Variants in FAM81A observed in about 807,000 individuals in gnomAD.
FAM81A encodes protein FAM81A.
FAM81A carries 19 observed loss-of-function variants against 46.7 expected under a neutral mutation model. That is an observed-to-expected ratio of 0.41 (90% CI 0.28 to 0.60). FAM81A has a LOEUF of 0.60. Ranked by LOEUF, FAM81A falls within the 20% of genes least tolerant of loss-of-function variation. FAM81A has a pLI of 0.34. For synonymous variants in FAM81A, 183 were observed against 152.9 expected (o/e 1.20, Z -1.45); for missense variants, 377 against 453.5 (o/e 0.83, Z 1.53).
At chr15:59,441,281 CTCT>C (rs1277616740) in intron 1 of FAM81A, among the ~76,000 whole-genome samples, 1 of 152,320 alleles carries the variant, frequency 6.6e-6, no homozygotes. Flanking sequence ...CCATAAGAAA[CTCT>C]GGTGGGGTCC....
intron 2 of FAM81A, among the ~76,000 whole-genome samples, chr15:59,405,653 T>A (rs1007226764): frequency 2.7e-5 from 4 of 150,906 alleles, no homozygotes; most frequent in African/African-American, 7.3e-5. Context: ...AAAAAAAGAA[T>A]AATGATAATA....
At chr15:59,465,194 C>T (rs1430059896) in intron 3 of FAM81A, among the ~76,000 whole-genome samples, 1 of 152,138 alleles carries the variant, frequency 6.6e-6, no homozygotes, top group Non-Finnish European at 1.5e-5. Context: ...ATGCCAGTAC[C>T]ATGCTGTTTT....
chr15:59,449,699 G>C (rs568393379), intron 1 of FAM81A, among the ~76,000 whole-genome samples: 1 of 150,212 alleles, frequency 6.7e-6, no homozygotes, highest in Non-Finnish European at 1.5e-5. Context: ...GGAGAATGGC[G>C]TGAACCCGGG....
chr15:59,406,440 C>T (rs2140467374), intron 2 of FAM81A, among the ~76,000 whole-genome samples: 1 of 152,260 alleles, frequency 6.6e-6, no homozygotes, highest in Non-Finnish European at 1.5e-5. Context: ...CTAACCAGTG[C>T]TATTTGGCAT....
chr15:59,402,720 TG>T (rs1454219406), intron 2 of FAM81A, among the ~76,000 whole-genome samples: 7 of 30,962 alleles, frequency 2.3e-4, no homozygotes, highest in Non-Finnish European at 4.3e-4. Context: ...TTTTGGGGGG[TG>T]GGGGGGATAT....
intron 2 of FAM81A, among the ~76,000 whole-genome samples, chr15:59,420,286 T>C (rs560574519): frequency 6.6e-6 from 1 of 152,354 alleles, no homozygotes; most frequent in South Asian, 2.1e-4. Flanking sequence ...GACTTGACTT[T>C]AGTCACTGTG....
rs189351600 is a variant in FAM81A, at chr15:59,482,836, G to A, written c.295-9435G>A. ...AGAGAGTGCACCGGAGCTTGCCAGC[G>A]CCTTCTCATCAGTGGGAGAGTGCCA... is the stretch of plus-strand genomic sequence containing the variant. On this transcript the variant is annotated intron_variant, in intron 3 of 8. Transcript: ENST00000288228. Among the ~76,000 whole-genome samples the A allele has an allele frequency of 1.6e-3, 241 of 152,274 alleles. 1 individual carries two copies. The highest frequency in any genetic ancestry group is 5.5e-3 in the African/African-American group (229 of 41,558).
At chr15:59,421,472 C>T (rs1446403288) in intron 2 of FAM81A, among the ~76,000 whole-genome samples, 5 of 152,154 alleles carry the variant, frequency 3.3e-5, no homozygotes, top group Non-Finnish European at 7.3e-5. Context: ...CTCCCTGGTG[C>T]TGCTTAAGAC....
chr15:59,468,109 G>C (rs1342579389), intron 3 of FAM81A, among the ~76,000 whole-genome samples: 1 of 152,142 alleles, frequency 6.6e-6, no homozygotes, highest in Non-Finnish European at 1.5e-5. Context: ...GATTCGGTTT[G>C]CCAGTATTTT....
upstream of FAM81A, among the ~76,000 whole-genome samples, chr15:59,435,575 G>A (rs1164483322): frequency 1.3e-5 from 2 of 152,204 alleles, no homozygotes; most frequent in Admixed American, 6.5e-5. Flanking sequence ...AGCCAAGATC[G>A]AGAGCCTCTG....
chr15:59,494,549 C>T (rs1429096881), intron 4 of FAM81A, among the ~76,000 whole-genome samples: 1 of 150,400 alleles, frequency 6.6e-6, no homozygotes, highest in East Asian at 1.9e-4. Context: ...CTTCTCTACT[C>T]AACTTGTTGC....
At chr15:59,506,372 G>A (rs1305369910) in intron 4 of FAM81A, among the ~76,000 whole-genome samples, 1 of 152,028 alleles carries the variant, frequency 6.6e-6, no homozygotes, top group Non-Finnish European at 1.5e-5. Context: ...GGGAGTCTGT[G>A]CTCTTGTAAC....
chr15:59,477,957 T>C (rs1033821089), intron 3 of FAM81A, among the ~76,000 whole-genome samples: 4 of 152,180 alleles, frequency 2.6e-5, no homozygotes, highest in African/African-American at 9.7e-5. Flanking sequence ...TCATTATAAA[T>C]TTAGAGGAAG....
At chr15:59,417,752 T>G (rs2081153391) in intron 2 of FAM81A, among the ~76,000 whole-genome samples, 1 of 152,020 alleles carries the variant, frequency 6.6e-6, no homozygotes, top group African/African-American at 2.4e-5. Flanking sequence ...TAAAAAGATT[T>G]TTTTTGCTTG....
chr15:59,405,019 G>C (rs1274458006), intron 2 of FAM81A, among the ~76,000 whole-genome samples: 1 of 152,152 alleles, frequency 6.6e-6, no homozygotes, highest in Non-Finnish European at 1.5e-5. Context: ...GCCTTTGCAT[G>C]CTCTCTTCTG....
At chr15:59,402,895 A>T (rs1035814668) in intron 2 of FAM81A, among the ~76,000 whole-genome samples, 2 of 152,102 alleles carry the variant, frequency 1.3e-5, no homozygotes, top group African/African-American at 4.8e-5. Flanking sequence ...TTTCTAAATC[A>T]TCTTCATAGG....
chr15:59,473,004 C>G (rs1286837193), intron 3 of FAM81A, among the ~76,000 whole-genome samples: 1 of 152,018 alleles, frequency 6.6e-6, no homozygotes, highest in Non-Finnish European at 1.5e-5. Flanking sequence ...ATTGAAGAAC[C>G]CCAACTCGAA....
intron 2 of FAM81A, among the ~76,000 whole-genome samples, chr15:59,418,668 G>A (rs762155995): frequency 9.9e-5 from 15 of 152,162 alleles, no homozygotes; most frequent in African/African-American, 2.7e-4. Flanking sequence ...TTCCTTGCTC[G>A]ATTTCCTCTT....
At position 59,516,726 on chromosome 15, in the gene FAM81A, A is replaced by G. The variant is rs1317259511; in HGVS notation, c.868A>G (p.Thr290Ala). 5 of 1,613,718 alleles carry G rather than the reference A, an allele frequency of 3.1e-6. No homozygotes were observed. Among genetic ancestry groups the G allele is most frequent in the South Asian group, 2.2e-5 (2 of 91,064 alleles). ...LDKIEEGQKK[T>A]FDGQRTRQEE... ...CAAAATAGAAGAGGGTCAAAAGAAG[A>G]CTTTTGATGGTCAGAGAACAAGGCA... Residue 290 changes from threonine (T) to alanine (A), a missense_variant, in exon 8 of 9, where the codon ACT (threonine) becomes GCT (alanine). Transcript: ENST00000288228.
Sources: gnomAD v4.1 joint callset for allele counts (sites outside exome capture counted in the v4.1 genomes callset) on GRCh38, gnomAD v4.1.1 for gene constraint, MANE v1.5 for transcripts, NCBI Gene and HGNC (gene_info 2026-07-23, HGNC 2026-07-21) for gene names.